The following FANCD2 variants were observed in gnomAD, a reference collection of about 807,000 sequenced individuals.
The protein encoded by FANCD2 is Fanconi anemia group D2 protein.
Under a neutral mutation model 192.3 loss-of-function variants are expected in FANCD2, and 131 were observed. The ratio of observed to expected loss-of-function variants is 0.68; its 90% CI spans 0.59 to 0.79. The LOEUF is 0.79. Among genes scored for constraint, FANCD2 ranks in the 30% least tolerant of loss-of-function variants. The probability of loss-of-function intolerance (pLI) is 0.00; values close to 1 mark genes in which losing one functional copy is unlikely to be tolerated. For synonymous variants in FANCD2, 524 were observed against 612.5 expected (o/e 0.86, Z 2.13); for missense variants, 1,508 against 1,701.6 (o/e 0.89, Z 2.00).
At chr3:10,056,039 C>T (rs1483895766) in intron 18 of FANCD2, among the ~76,000 whole-genome samples, 2 of 151,946 alleles carry the variant, frequency 1.3e-5, no homozygotes, top group African/African-American at 2.4e-5. Context: ...CCACCACTCC[C>T]GGCTGATTTT....
intron 32 of FANCD2, among the ~76,000 whole-genome samples, chr3:10,081,912 T>A (rs1693861884): frequency 6.6e-6 from 1 of 152,196 alleles, no homozygotes; most frequent in South Asian, 2.1e-4. Context: ...AAAGTAGAAC[T>A]AAGGGAGGTG....
At chr3:10,057,553 C>T (rs1476020377) in intron 18 of FANCD2, among the ~76,000 whole-genome samples, 6 of 151,912 alleles carry the variant, frequency 3.9e-5, no homozygotes, top group East Asian at 1.9e-4. Context: ...TTAGTAGAGA[C>T]GGGGTTTCAC....
chr3:10,030,822 C>A (rs973393461), intron 2 of FANCD2, among the ~76,000 whole-genome samples: 1 of 152,098 alleles, frequency 6.6e-6, no homozygotes, highest in African/African-American at 2.4e-5. Context: ...ATTGCTTGAA[C>A]CCCGGAGGTG....
intron 43 of FANCD2, among the ~76,000 whole-genome samples, chr3:10,100,167 G>A (rs931391756): frequency 8.5e-5 from 13 of 152,174 alleles, no homozygotes; most frequent in East Asian, 3.8e-4. Flanking sequence ...ATGACAGAGC[G>A]AGACCCTGTC....
At chr3:10,039,202 T>G (rs901095866) in intron 7 of FANCD2, 77 bp from the exon 8 acceptor site, 49 of 1,018,288 alleles carry the variant, frequency 4.8e-5, no homozygotes, top group Non-Finnish European at 6.8e-5. Context: ...GGCTAAAATA[T>G]TTTGTGCAGT....
At chr3:10,083,288 T>C (rs1236302795) in intron 32 of FANCD2, among the ~76,000 whole-genome samples, 1 of 152,028 alleles carries the variant, frequency 6.6e-6, no homozygotes, top group Non-Finnish European at 1.5e-5. Context: ...AAACCATCTC[T>C]AAAAATTATA....
intron 17 of FANCD2, among the ~76,000 whole-genome samples, chr3:10,050,808 C>T (rs891673028): frequency 5.3e-5 from 8 of 151,898 alleles, no homozygotes; most frequent in African/African-American, 1.5e-4. Flanking sequence ...AGGGATTGGC[C>T]GGGCACAGTG....
At chr3:10,097,683 C>G (rs1321982584) in intron 42 of FANCD2, among the ~76,000 whole-genome samples, 2 of 152,174 alleles carry the variant, frequency 1.3e-5, no homozygotes, top group African/African-American at 4.8e-5. Flanking sequence ...TTACAGGGTC[C>G]TGAGACTATA....
chr3:10,034,738 A>G lies in FANCD2; in HGVS notation c.317A>G (p.Asp106Gly). 1 of 1,573,384 alleles carries G rather than the reference A, an allele frequency of 6.4e-7. No individual in the cohort carries two copies. The highest frequency in any genetic ancestry group is 8.6e-7 in the Non-Finnish European group (1 of 1,159,118). Reference sequence around the variant, plus strand: ...AGTGGCCTGGAGTCTTACATTGAGGATGAAGACAGTTTCAGGAACTGCCTT... The same window carrying G: ...AGTGGCCTGGAGTCTTACATTGAGGGTGAAGACAGTTTCAGGAACTGCCTT... Reference protein sequence around the residue: ...FVSGLESYIEDEDSFRNCLLS... With the variant: ...FVSGLESYIEGEDSFRNCLLS... The change falls in exon 5 of 44, where the codon GAT becomes GGT. Residue 106 changes from aspartate (D) to glycine (G), a missense_variant. Coordinates refer to ENST00000675286, the MANE Select transcript of FANCD2 (RefSeq NM_001018115.3).
chr3:10,039,743 A>C lies in FANCD2; in HGVS notation c.593A>C (p.Gln198Pro). ...DGKDLTTKIMQLISIAPENLQ... is the reference protein window; with the variant it reads ...DGKDLTTKIMPLISIAPENLQ... Reference sequence around the variant, plus strand: ...CAGGACCTCACCACCAAGATCATGCAGCTGATCAGTATTGCTCCAGAGAAC... The same window carrying C: ...CAGGACCTCACCACCAAGATCATGCCGCTGATCAGTATTGCTCCAGAGAAC... The change falls in exon 9 of 44, where the codon CAG (glutamine) becomes CCG (proline). Residue 198 changes from glutamine to proline, a missense_variant. Transcript: ENST00000675286. 1 of 1,614,122 alleles carries C rather than the reference A, an allele frequency of 6.2e-7. No homozygotes were observed. The highest frequency in any genetic ancestry group is 1.3e-5 in the African/African-American group (1 of 75,040).
chr3:10,052,281 T>G, intron 17 of FANCD2, 106 bp from the exon 18 acceptor site: 1 of 760,774 alleles, frequency 1.3e-6, no homozygotes. Flanking sequence ...AAGTTTTAGA[T>G]ACCTGGCTAT....
At chr3:10,096,662 A>G (rs1196112385) in intron 42 of FANCD2, among the ~76,000 whole-genome samples, 190 bp downstream of exon 42, 1 of 152,104 alleles carries the variant, frequency 6.6e-6, no homozygotes, top group Non-Finnish European at 1.5e-5. Flanking sequence ...TGCACCCCTC[A>G]TCTTAGGCAG....
chr3:10,092,150 T>G (rs200867320), intron 37 of FANCD2, 31 bp from the exon 38 acceptor site: 1 of 1,511,736 alleles, frequency 6.6e-7, no homozygotes, highest in East Asian at 2.3e-5. Flanking sequence ...TGGCTGTGAC[T>G]CAGAGGTGCC....
intron 17 of FANCD2, 105 bp downstream of exon 17, chr3:10,049,610 T>C: frequency 9.1e-7 from 1 of 1,098,274 alleles, no homozygotes; most frequent in South Asian, 1.3e-5. Flanking sequence ...AAAAAGTGAC[T>C]ATTCTATCTA....
At chr3:10,036,082 A>ATTTTTTTTTTTTTTTTTTTTTTTTTTT (rs781686867) in intron 6 of FANCD2, among the ~76,000 whole-genome samples, 1 of 103,872 alleles carries the variant, frequency 9.6e-6, no homozygotes, top group Non-Finnish European at 2.0e-5. Flanking sequence ...AGAATTATAC[A>ATTTTTTTTTTTTTTTTTTTTTTTTTTT]TTTCTTTTTT....
In FANCD2 at chr3:10,069,179, T is replaced by A. The variant is rs1484733991; in HGVS notation, c.2494+1862T>A. On this transcript the variant is annotated intron_variant, in intron 26 of 43. Transcript: ENST00000675286. ...CATTAAGTTAAAAAGTTAAGTTCCT[T>A]TCCTCTGCATAGCAAAGGAAACACC... is the stretch of plus-strand genomic sequence containing the variant. Among the ~76,000 whole-genome samples, 4 of 152,104 alleles carry A rather than the reference T, an allele frequency of 2.6e-5. No individual in the cohort carries two copies. In the East Asian group the frequency reaches 7.7e-4, roughly 29 times the overall value.
In FANCD2 at chr3:10,043,098, C is replaced by T. The variant is rs2124992302; in HGVS notation, c.937C>T (p.Pro313Ser). The T allele has an allele frequency of 1.2e-6, 2 of 1,613,990 alleles. No homozygotes were observed. Among genetic ancestry groups the T allele is most frequent in the Non-Finnish European group, 1.7e-6 (2 of 1,179,980 alleles). ...GTTGGATCTGCAGCATTGTGTTTTG[C>T]CATCACGGTTACAGGCTTCCCAAGT... is the stretch of plus-strand genomic sequence containing the variant. ...EKLDLQHCVL[P>S]SRLQASQVKL... The change falls in exon 12 of 44, where the codon CCA becomes TCA. Residue 313 changes from proline to serine, a missense_variant. Physicochemically the swap from Pro to Ser is moderately conservative, Grantham distance 74. This residue lies in a region of FANCD2 where 435 missense variants were observed against 421.9 expected (regional missense o/e 1.03). Transcript: ENST00000675286.
chr3:10,046,255 G>A (rs529954046), intron 14 of FANCD2, among the ~76,000 whole-genome samples: 154 of 151,416 alleles, frequency 1.0e-3, no homozygotes, highest in Non-Finnish European at 1.5e-3. Flanking sequence ...GGGTTTCACC[G>A]TGTTAGTCAG....
chr3:10,029,354 A>T (rs1203546927), intron 2 of FANCD2, among the ~76,000 whole-genome samples: 4 of 152,124 alleles, frequency 2.6e-5, no homozygotes, highest in Non-Finnish European at 5.9e-5. Context: ...TTTTTTAATT[A>T]GCTGGGCATG....
Sources: gnomAD v4.1 joint callset for allele counts (sites outside exome capture counted in the v4.1 genomes callset) on GRCh38, gnomAD v4.1.1 for gene constraint, gnomAD v4.1.1 regional missense constraint, MANE v1.5 for transcripts, NCBI Gene and HGNC (gene_info 2026-07-23, HGNC 2026-07-21) for gene names.